AMY2A: variants seen among roughly 807,000 people sequenced by gnomAD.
The protein encoded by AMY2A is amylase alpha 2A.
In AMY2A, 16 loss-of-function variants were observed where a neutral mutation model predicts 43.0. That is an observed-to-expected ratio of 0.37 (90% CI 0.25 to 0.56). AMY2A has a LOEUF of 0.56. AMY2A is among the 20% of genes least tolerant of loss of function. AMY2A has a pLI of 0.77. For missense variants in AMY2A, 212 were observed against 456.8 expected (o/e 0.46, Z 4.89); for synonymous variants, 70 against 144.6 (o/e 0.48, Z 3.70).
At chr1:103,617,150 C>T, upstream of AMY2A, 1 of 966,122 alleles carries the variant, frequency 1.0e-6, no homozygotes, top group South Asian at 2.0e-5. Context: ...TGGTTTTCTA[C>T]TGTTATGTGA....
At chr1:103,618,785 G>A (rs572747578) in intron 2 of AMY2A, 126 bp from the exon 3 acceptor site, 1 of 1,478,036 alleles carries the variant, frequency 6.8e-7, no homozygotes, top group African/African-American at 1.4e-5. Context: ...GATCTTGTAG[G>A]AAAATAATTA....
chr1:103,617,326 T>A, upstream of AMY2A: 7 of 1,540,424 alleles, frequency 4.5e-6, 1 homozygote, highest in Non-Finnish European at 6.2e-6. Flanking sequence ...TTTCAGATTA[T>A]GAATAAACAG....
rs370439805 is a variant in AMY2A, at chr1:103,619,136, T to G, written c.513+28T>G. The stretch of plus-strand genomic sequence containing the variant: ...AATTTTTTTACGAGAGTGATCTGAA[T>G]AAAAGAGTAATATATGCCTTTTCTT... On this transcript the variant is annotated intron_variant, in intron 3 of 9. Coordinates refer to ENST00000414303, the MANE Select transcript of AMY2A (RefSeq NM_000699.4). 104 of 763,190 alleles carry G rather than the reference T, an allele frequency of 1.4e-4. 2 individuals are homozygous for G. The East Asian group carries it at 2.8e-3, about 20-fold the overall frequency. The allele number at this position is 763,190 out of a possible 1,614,324, so 47.3% of individuals were successfully genotyped here.
chr1:103,619,919 T>C, intron 4 of AMY2A, 135 bp downstream of exon 4: 1 of 1,456,454 alleles, frequency 6.9e-7, no homozygotes, highest in Non-Finnish European at 9.4e-7. Flanking sequence ...TAACCTCCTC[T>C]TCTTCACATA....
chr1:103,616,891 G>C (rs1260876366), upstream of AMY2A: 1 of 695,692 alleles, frequency 1.4e-6, no homozygotes, highest in African/African-American at 1.9e-5. Flanking sequence ...TCTGGGATTT[G>C]TCTAGAGGCT....
At chr1:103,619,403 T>C (rs2101099689) in intron 3 of AMY2A, 151 bp from the exon 4 acceptor site, 2 of 1,055,034 alleles carry the variant, frequency 1.9e-6, no homozygotes, top group Admixed American at 5.4e-5. Flanking sequence ...AAGATACATC[T>C]GTAGTAGAAT....
At position 103,618,704 on chromosome 1, in the gene AMY2A, A is replaced by T. The variant is rs538643519; in HGVS notation, c.316-207A>T. On this transcript the variant is annotated intron_variant, in intron 2 of 9. Coordinates refer to ENST00000414303, the MANE Select transcript of AMY2A (RefSeq NM_000699.4). ...GTCTCTCAATTTATCATTCCTATAA[A>T]TATTTGACCAAGTGTCTAGAAGGCA... Among the ~76,000 whole-genome samples, 13 of 150,770 alleles carry T rather than the reference A, an allele frequency of 8.6e-5. No individual in the cohort carries two copies. The South Asian group carries it at 2.3e-3, about 27-fold the overall frequency.
chr1:103,623,473 G>T (rs1249694779), intron 7 of AMY2A, among the ~76,000 whole-genome samples: 1 of 79,150 alleles, frequency 1.3e-5, no homozygotes. Flanking sequence ...AAATTAGCTG[G>T]TTGCGGTGGT....
chr1:103,617,863 G>T lies in AMY2A; in HGVS notation c.169-91G>T, dbSNP rs1653121930. ...GATAGCTGCCTATACCAAGATTCAA[G>T]AATCTTTTATACTATTGATTAGTTT... On this transcript the variant is annotated intron_variant, in intron 1 of 9. Transcript: ENST00000414303. 8 of 1,576,014 alleles carry T rather than the reference G, an allele frequency of 5.1e-6. 1 individual carries two copies. Among genetic ancestry groups the T allele is most frequent in the East Asian group, 2.2e-5 (1 of 44,616 alleles).
upstream of AMY2A, chr1:103,616,916 G>C: frequency 1.1e-6 from 1 of 907,506 alleles, no homozygotes; most frequent in Non-Finnish European, 1.3e-6. Flanking sequence ...AGGGCTTCTG[G>C]ACCACTTGTT....
rs753219435 is a variant in AMY2A at position 103,619,112 on chromosome 1, A to AT, written c.513+11dup. 4.0e-6 allele frequency: 4 copies of AT among 993,298 alleles called. No individual in the cohort carries two copies. The highest frequency in any genetic ancestry group is 3.4e-5 in the South Asian group (2 of 58,320). The allele number at this position is 993,298 out of a possible 1,614,324, so 61.5% of individuals were successfully genotyped here. A position where few individuals can be genotyped will look rare whatever the true frequency, so the allele number is the denominator to read the frequency against. On this transcript the variant is annotated splice_donor_region_variant and intron_variant, in intron 3 of 9. Coordinates refer to ENST00000414303, the MANE Select transcript of AMY2A (RefSeq NM_000699.4). ...GAACTACAATGATGCTACTCAGGTA[A>AT]TTTTTTTACGAGAGTGATCTGAATA...
rs770021146 is a variant in AMY2A at position 103,618,765 on chromosome 1, G to A, written c.316-146G>A. On this transcript the variant is annotated intron_variant, in intron 2 of 9. Transcript: ENST00000414303. ...TAGTTCACATTACTTTCCTTTCACAGTTGATTTTTGATCTTGTAGGAAAAT... is the reference window on the plus strand; with the variant it reads ...TAGTTCACATTACTTTCCTTTCACAATTGATTTTTGATCTTGTAGGAAAAT... The A allele has an allele frequency of 7.4e-6, 11 of 1,478,340 alleles. No individual in the cohort carries two copies. In the East Asian group the frequency reaches 2.3e-4, roughly 31 times the overall value. The allele number at this position is 1,478,340 out of a possible 1,614,324, so 91.6% of individuals were successfully genotyped here. A position where few individuals can be genotyped will look rare whatever the true frequency, so the allele number is the denominator to read the frequency against.
chr1:103,618,135 A>G, intron 2 of AMY2A, 35 bp downstream of exon 2: 1 of 1,585,478 alleles, frequency 6.3e-7, no homozygotes, highest in Non-Finnish European at 8.6e-7. Context: ...AAAATAACAG[A>G]CAGGAAAATG....
intron 1 of AMY2A, 71 bp downstream of exon 1, chr1:103,617,679 G>A (rs1653116266): frequency 6.3e-7 from 1 of 1,598,138 alleles, no homozygotes; most frequent in Admixed American, 1.7e-5. Context: ...GATCTTATCT[G>A]TGAAGCTTGG....
At chr1:103,617,076 T>C (rs1653096179), upstream of AMY2A, 1 of 1,002,866 alleles carries the variant, frequency 1.0e-6, no homozygotes, top group Non-Finnish European at 1.3e-6. Flanking sequence ...GTATTCATCC[T>C]TTTAATTTAT....
In AMY2A at chr1:103,617,449, C is replaced by A. The variant is rs372297866; in HGVS notation, c.9C>A (p.Phe3Leu). 5.9e-5 allele frequency: 95 copies of A among 1,599,644 alleles called. 7 individuals are homozygous for A. Among genetic ancestry groups the A allele is most frequent in the Non-Finnish European group, 7.9e-5 (92 of 1,169,934 alleles). ...GACAACTTCAAAGCAAAATGAAGTTCTTTCTGTTGCTTTTCACCATTGGGT... is the reference window on the plus strand; with the variant it reads ...GACAACTTCAAAGCAAAATGAAGTTATTTCTGTTGCTTTTCACCATTGGGT... MK[F>L]FLLLFTIGFC... The change falls in exon 1 of 10, where the codon TTC becomes TTA. Residue 3 changes from phenylalanine to leucine, a missense_variant. Phe to Leu is a conservative substitution (Grantham distance 22, BLOSUM62 0). This residue lies in a region of AMY2A where 199 missense variants were observed against 210.6 expected (regional missense o/e 0.94). Coordinates refer to ENST00000414303, the MANE Select transcript of AMY2A (RefSeq NM_000699.4).
At position 103,617,828 on chromosome 1, in the gene AMY2A, A is replaced by G. The variant is rs562707242; in HGVS notation, c.169-126A>G. 2.9e-5 allele frequency: 44 copies of G among 1,542,978 alleles called. No individual in the cohort carries two copies. In the African/African-American group the frequency reaches 5.2e-4, roughly 18 times the overall value. On this transcript the variant is annotated intron_variant, in intron 1 of 9. Transcript: ENST00000414303. ...AAGAGCCCTCCAATGTGCTGTTAAT[A>G]TTTTCAAGAGATAGCTGCCTATACC...
In AMY2A at chr1:103,618,988, A is replaced by G. The variant is rs753092571; in HGVS notation, c.393A>G (p.Gly131=). Residue 131 remains glycine (G), a synonymous_variant, in exon 3 of 10, where the codon GGA becomes GGG. Coordinates refer to ENST00000414303, the MANE Select transcript of AMY2A (RefSeq NM_000699.4). ...GTGCAGGAACAAGCAGTACCTGTGGAAGTTACTTCAACCCTGGAAGTAGGG... is the reference window on the plus strand; with the variant it reads ...GTGCAGGAACAAGCAGTACCTGTGGGAGTTACTTCAACCCTGGAAGTAGGG... ...AVSAGTSSTC[G]SYFNPGSRDF... 7.2e-7 allele frequency: 1 copy of G among 1,389,810 alleles called. No homozygotes were observed. Among genetic ancestry groups the G allele is most frequent in the South Asian group, 1.4e-5 (1 of 73,062 alleles). 86.1% of individuals were successfully genotyped at this position (1,389,810 alleles called of 1,614,324 possible). A position where few individuals can be genotyped will look rare whatever the true frequency, so the allele number is the denominator to read the frequency against.
In AMY2A at chr1:103,617,513, C is replaced by T. The variant is rs145483775; in HGVS notation, c.73C>T (p.Arg25Trp). ...GTATTCCCCAAATACACAACAAGGACGGACATCTATTGTTCATCTGTTTGA... is the reference window on the plus strand; with the variant it reads ...GTATTCCCCAAATACACAACAAGGATGGACATCTATTGTTCATCTGTTTGA... ...AQYSPNTQQG[R>W]TSIVHLFEWR... The change falls in exon 1 of 10, where the codon CGG becomes TGG. Residue 25 changes from arginine to tryptophan, a missense_variant. Physicochemically the swap from Arg to Trp is moderately radical, Grantham distance 101. Transcript: ENST00000414303. 268 of 1,600,718 alleles carry T rather than the reference C, an allele frequency of 1.7e-4. 19 individuals are homozygous for T. The highest frequency in any genetic ancestry group is 4.5e-4 in the African/African-American group (34 of 74,758).
Sources: gnomAD v4.1 joint callset for allele counts (sites outside exome capture counted in the v4.1 genomes callset) on GRCh38, gnomAD v4.1.1 for gene constraint, gnomAD v4.1.1 regional missense constraint, MANE v1.5 for transcripts, NCBI Gene and HGNC (gene_info 2026-07-23, HGNC 2026-07-21) for gene names.